The following HSD17B12 variants were observed in gnomAD, a reference collection of about 807,000 sequenced individuals.
The protein encoded by HSD17B12 is hydroxysteroid 17-beta dehydrogenase 12, also known as very-long-chain 3-oxoacyl-CoA reductase.
In HSD17B12, 32 loss-of-function variants were observed where a neutral mutation model predicts 39.3. That is an observed-to-expected ratio of 0.81 (90% CI 0.61 to 1.09). The LOEUF is 1.09. Ranked by LOEUF, HSD17B12 falls within the 50% of genes least tolerant of loss-of-function variation. HSD17B12 has a pLI of 0.00. For missense variants in HSD17B12, 342 were observed against 382.9 expected, an observed-to-expected ratio of 0.89 and a Z score of 0.89; for synonymous variants, 150 against 146.7, an observed-to-expected ratio of 1.02 and a Z score of -0.16.
intron 6 of HSD17B12, among the ~76,000 whole-genome samples, chr11:43,824,693 T>C (rs1951216090): frequency 1.3e-5 from 2 of 152,142 alleles, no homozygotes; most frequent in South Asian, 4.2e-4. Context: ...GGTTTGAACA[T>C]ACAAGTTTTG....
chr11:43,642,195 T>C, the HSD17B12 span, among the ~76,000 whole-genome samples: 1 of 151,774 alleles, frequency 6.6e-6, no homozygotes, highest in Non-Finnish European at 1.5e-5. Context: ...AATTACTAAA[T>C]TTTTTGGTAT....
In HSD17B12 at chr11:43,754,005, G is replaced by A. The variant is rs375571792; in HGVS notation, c.208-41G>A. On this transcript the variant is annotated intron_variant, in intron 2 of 10. Transcript: ENST00000278353. ...TTATAGCTCATTAATGTTTTTCAGT[G>A]ACATGCACAGGTGTGATTCAAATCT... 2.1e-4 allele frequency: 284 copies of A among 1,332,070 alleles called. 3 individuals carry two copies. Among genetic ancestry groups the A allele is most frequent in the South Asian group, 1.7e-3 (139 of 80,366 alleles). 82.5% of individuals were successfully genotyped at this position (1,332,070 alleles called of 1,614,324 possible). A position where few individuals can be genotyped will look rare whatever the true frequency, so the allele number is the denominator to read the frequency against.
chr11:43,715,840 A>G (rs1950117354), intron 1 of HSD17B12, among the ~76,000 whole-genome samples: 4 of 152,194 alleles, frequency 2.6e-5, no homozygotes, highest in Admixed American at 2.0e-4. Flanking sequence ...AAATTAAATT[A>G]ATAGCAATGT....
the HSD17B12 span, among the ~76,000 whole-genome samples, chr11:43,567,911 A>C: frequency 6.6e-6 from 1 of 152,138 alleles, no homozygotes; most frequent in Admixed American, 6.5e-5. Context: ...CCCCTTAGTG[A>C]CCCTCATAAT....
intron 3 of HSD17B12, among the ~76,000 whole-genome samples, chr11:43,782,408 C>T (rs144531430): frequency 7.9e-5 from 12 of 152,204 alleles, no homozygotes; most frequent in Admixed American, 2.0e-4. Flanking sequence ...TGGCCGGGTA[C>T]GGTGGCTCAC....
At chr11:43,752,139 G>A (rs1950470447) in intron 2 of HSD17B12, among the ~76,000 whole-genome samples, 1 of 152,088 alleles carries the variant, frequency 6.6e-6, no homozygotes, top group African/African-American at 2.4e-5. Context: ...TTGTTTTGCA[G>A]ACAAACTTGG....
the HSD17B12 span, among the ~76,000 whole-genome samples, chr11:43,573,205 C>G: frequency 1.3e-5 from 2 of 152,190 alleles, no homozygotes; most frequent in African/African-American, 2.4e-5. Flanking sequence ...TTTGCAGGGT[C>G]TTTAGCTTGA....
chr11:43,845,943 C>T (rs1384913105), intron 9 of HSD17B12, among the ~76,000 whole-genome samples: 1 of 152,290 alleles, frequency 6.6e-6, no homozygotes, highest in East Asian at 1.9e-4. Flanking sequence ...TGAAGCCCTG[C>T]CTGGATATTT....
the HSD17B12 span, among the ~76,000 whole-genome samples, chr11:43,571,627 G>T: frequency 6.6e-6 from 1 of 152,116 alleles, no homozygotes; most frequent in Admixed American, 6.5e-5. Context: ...AGCAGATATT[G>T]TCTCAACTGT....
chr11:43,556,962 G>C, the HSD17B12 span: 1 of 152,008 alleles, frequency 6.6e-6, no homozygotes. Context: ...GCTCGCCAAG[G>C]TAGGTTATAC....
the HSD17B12 span, among the ~76,000 whole-genome samples, chr11:43,558,252 C>T: frequency 6.6e-6 from 1 of 151,932 alleles, no homozygotes; most frequent in Non-Finnish European, 1.5e-5. Context: ...GCCATTTGAC[C>T]TTGGGGGCCA....
intron 1 of HSD17B12, among the ~76,000 whole-genome samples, chr11:43,688,272 G>A (rs1949820530): frequency 6.6e-6 from 1 of 152,082 alleles, no homozygotes; most frequent in African/African-American, 2.4e-5. Flanking sequence ...TGTAAGGGAT[G>A]CTACTTTTGT....
intron 9 of HSD17B12, among the ~76,000 whole-genome samples, chr11:43,851,273 T>C (rs567719316): frequency 5.3e-5 from 8 of 152,166 alleles, no homozygotes; most frequent in South Asian, 2.1e-4. Flanking sequence ...TGGGAACTTG[T>C]TGAAATTGAG....
intron 1 of HSD17B12, among the ~76,000 whole-genome samples, chr11:43,713,844 T>C (rs933266080): frequency 1.3e-5 from 2 of 152,244 alleles, no homozygotes; most frequent in South Asian, 2.1e-4. Context: ...TGGTATCTCA[T>C]TGTGGTTTTG....
chr11:43,584,598 G>C, the HSD17B12 span: 1 of 152,218 alleles, frequency 6.6e-6, no homozygotes, highest in East Asian at 1.9e-4. Context: ...GTCTGCATGA[G>C]GGGTGGCCAC....
Position 43,805,030 on chromosome 11 carries a change from A to G in HSD17B12, c.391+6603A>G, listed in dbSNP as rs12289226. ...GCCTAGGAGAGAGAACCAAGGCACT[A>G]CAGGAACAGTGCTGAGGAAAACTTT... On this transcript the variant is annotated intron_variant, in intron 4 of 10. Transcript: ENST00000278353. Among the ~76,000 whole-genome samples the G allele has an allele frequency of 5.5e-3, 844 of 152,312 alleles. 6 individuals are homozygous for G. Among genetic ancestry groups the G allele is most frequent in the African/African-American group, 0.019 (805 of 41,562 alleles).
At chr11:43,580,141 T>G in the HSD17B12 span, among the ~76,000 whole-genome samples, 426 of 142,758 alleles carry the variant, frequency 3.0e-3, 1 homozygote, top group Non-Finnish European at 5.2e-3. Flanking sequence ...CCTCAAAGTT[T>G]GGATGGATGG....
At chr11:43,784,003 G>A (rs529738336) in intron 3 of HSD17B12, among the ~76,000 whole-genome samples, 3 of 152,140 alleles carry the variant, frequency 2.0e-5, no homozygotes, top group Non-Finnish European at 2.9e-5. Flanking sequence ...GTAGCAGGAT[G>A]AGCCACAGAC....
At chr11:43,783,663 A>C (rs1950788464) in intron 3 of HSD17B12, among the ~76,000 whole-genome samples, 1 of 152,014 alleles carries the variant, frequency 6.6e-6, no homozygotes, top group South Asian at 2.1e-4. Flanking sequence ...GAGTGAGAGC[A>C]TGCGGTGTTT....
Sources: gnomAD v4.1 joint callset for allele counts (sites outside exome capture counted in the v4.1 genomes callset) on GRCh38, gnomAD v4.1.1 for gene constraint, MANE v1.5 for transcripts, NCBI Gene and HGNC (gene_info 2026-07-23, HGNC 2026-07-21) for gene names.